Variants in EML1 observed in about 807,000 individuals in gnomAD.
The protein encoded by EML1 is echinoderm microtubule-associated protein-like 1.
A neutral mutation model predicts 110.4 loss-of-function variants in EML1; 27 were observed. The ratio of observed to expected loss-of-function variants is 0.24; its 90% CI spans 0.18 to 0.34. The LOEUF (loss-of-function observed/expected upper bound fraction) is 0.34. Among genes scored for constraint, EML1 ranks in the 10% least tolerant of loss-of-function variants. The pLI is 1.00. For synonymous variants in EML1, 344 were observed against 385.8 expected, an observed-to-expected ratio of 0.89 and a Z score of 1.27; for missense variants, 741 against 1,030.9, an observed-to-expected ratio of 0.72 and a Z score of 3.85.
In EML1 at chr14:99,829,110, C is replaced by T. The variant is rs375660639; in HGVS notation, c.68-21743C>T. 2.6e-4 allele frequency among the ~76,000 whole-genome samples: 39 copies of T among 152,284 alleles called. No individual in the cohort carries two copies. In the South Asian group the frequency reaches 6.4e-3, roughly 25 times the overall value. Reference sequence around the variant, plus strand: ...CCCCTGCGGGTCTTGGAATGTATCTCCTGTGGTTAATGGGGGGGCCACTGT... The same window carrying T: ...CCCCTGCGGGTCTTGGAATGTATCTTCTGTGGTTAATGGGGGGGCCACTGT... On this transcript the variant is annotated intron_variant, in intron 1 of 21. Transcript: ENST00000262233.
chr14:99,886,715 G>A (rs893911592), intron 4 of EML1, among the ~76,000 whole-genome samples: 1 of 152,150 alleles, frequency 6.6e-6, no homozygotes, highest in Non-Finnish European at 1.5e-5. Context: ...TGCAAGATCT[G>A]GCCCCAGAGC....
At chr14:99,832,613 A>G (rs2058477740) in intron 1 of EML1, among the ~76,000 whole-genome samples, 1 of 152,220 alleles carries the variant, frequency 6.6e-6, no homozygotes, top group Admixed American at 6.5e-5. Context: ...TTCCCTAATG[A>G]CTAATGATGT....
Position 99,784,652 on chromosome 14 carries a change from T to C in EML1, c.-27+10639T>C, listed in dbSNP as rs1244743213. On this transcript the variant is annotated intron_variant, in intron 1 of 22. Coordinates refer to the EML1 transcript ENST00000327921. This position sits in a 1 kb window ranked among gnomAD's most constrained non-coding sequence, Gnocchi z 4.5. ...AGGATAATGAAGCTGGAGAGGCCCT[T>C]GATAAGGCCGTCTTTATCACACAGT... Among the ~76,000 whole-genome samples the C allele has an allele frequency of 1.3e-5, 2 of 152,244 alleles. No homozygotes were observed. The highest frequency in any genetic ancestry group is 2.4e-5 in the African/African-American group (1 of 41,466).
intron 4 of EML1, among the ~76,000 whole-genome samples, chr14:99,880,043 T>C (rs1451109094): frequency 1.3e-5 from 2 of 152,234 alleles, no homozygotes; most frequent in African/African-American, 4.8e-5. Flanking sequence ...ACAAAGAGAT[T>C]TTTGAGAAAT....
At chr14:99,878,396 A>T (rs2059329202) in intron 3 of EML1, 89 bp from the exon 4 acceptor site, 2 of 1,495,464 alleles carry the variant, frequency 1.3e-6, no homozygotes, top group Non-Finnish European at 1.8e-6. Context: ...ATGTGGAAGT[A>T]TGACGTTCTA....
At chr14:99,765,411 A>G (rs1222041875) in intron 1 of EML1, among the ~76,000 whole-genome samples, 1 of 151,828 alleles carries the variant, frequency 6.6e-6, no homozygotes, top group Non-Finnish European at 1.5e-5. Context: ...GGCTACCACC[A>G]ATCTACTTTC....
intron 1 of EML1, among the ~76,000 whole-genome samples, chr14:99,841,855 A>C: frequency 6.6e-6 from 1 of 152,162 alleles, no homozygotes; most frequent in East Asian, 1.9e-4. Flanking sequence ...CGCCCCATAG[A>C]CGCAGTTACA....
intron 20 of EML1, among the ~76,000 whole-genome samples, chr14:99,938,619 TC>T (rs1398981398): frequency 6.6e-6 from 1 of 151,258 alleles, no homozygotes; most frequent in Non-Finnish European, 1.5e-5. Context: ...GAAGAGGGTG[TC>T]CCCCACCCAC....
chr14:99,851,509 G>A (rs569510787), intron 2 of EML1, among the ~76,000 whole-genome samples: 74 of 152,032 alleles, frequency 4.9e-4, no homozygotes, highest in African/African-American at 1.4e-3. Context: ...GAGTTTCACC[G>A]TGTTAGCCAG....
At chr14:99,772,310 G>C (rs2057435700), upstream of EML1, among the ~76,000 whole-genome samples, 1 of 152,252 alleles carries the variant, frequency 6.6e-6, no homozygotes, top group Non-Finnish European at 1.5e-5. Flanking sequence ...GAGCAGGGCA[G>C]AGTTTACATG....
At chr14:99,857,489 G>A (rs1203810219) in intron 2 of EML1, among the ~76,000 whole-genome samples, 3 of 152,080 alleles carry the variant, frequency 2.0e-5, no homozygotes, top group Non-Finnish European at 4.4e-5. Flanking sequence ...TTGATTATTA[G>A]TATAAGTTGT....
At chr14:99,766,269 ACTGCAACCT>A (rs934001204) in intron 1 of EML1, among the ~76,000 whole-genome samples, 1 of 147,302 alleles carries the variant, frequency 6.8e-6, no homozygotes, top group African/African-American at 2.5e-5. Flanking sequence ...ATCTTGGCTC[ACTGCAACCT>A]CTGCCTTGTG....
intron 4 of EML1, among the ~76,000 whole-genome samples, chr14:99,881,747 C>A (rs539261643): frequency 6.6e-6 from 1 of 151,850 alleles, no homozygotes; most frequent in Non-Finnish European, 1.5e-5. Context: ...ACTACAGGTG[C>A]GTGCCACCAT....
chr14:99,876,916 C>A (rs904447384), intron 3 of EML1, among the ~76,000 whole-genome samples: 1 of 152,164 alleles, frequency 6.6e-6, no homozygotes, highest in South Asian at 2.1e-4. Context: ...CTCTGCAAAG[C>A]TACGAAAATG....
chr14:99,939,389 G>A lies in EML1; in HGVS notation c.2322+62G>A. 4.4e-6 allele frequency: 7 copies of A among 1,592,982 alleles called. No homozygotes were observed. The highest frequency in any genetic ancestry group is 6.0e-6 in the Non-Finnish European group (7 of 1,167,232). On this transcript the variant is annotated intron_variant, in intron 21 of 21. Transcript: ENST00000262233. This position sits in a 1 kb window ranked among gnomAD's most constrained non-coding sequence, Gnocchi z 4.2. Reference sequence around the variant, plus strand: ...TGGGGCATGCACGTACACCCGACCTGTTTGGAGACTAAGTGGAAATGGGCT... The same window carrying A: ...TGGGGCATGCACGTACACCCGACCTATTTGGAGACTAAGTGGAAATGGGCT...
intron 1 of EML1, among the ~76,000 whole-genome samples, chr14:99,745,154 C>T (rs1030707488): frequency 1.3e-5 from 2 of 152,144 alleles, no homozygotes; most frequent in Non-Finnish European, 2.9e-5. Context: ...CAACCTCTGC[C>T]TCCCGGGTTT....
chr14:99,914,261 T>A lies in EML1; in HGVS notation c.1577T>A (p.Val526Asp). 6.2e-7 allele frequency: 1 copy of A among 1,614,030 alleles called. No homozygotes were observed. Among genetic ancestry groups the A allele is most frequent in the Non-Finnish European group, 8.5e-7 (1 of 1,179,918 alleles). ...TTGATTGGCACAACTCGAAACTTTG[T>A]CCTGCAGGGCACTCTGTCAGGGGAC... ...VILIGTTRNF[V>D]LQGTLSGDFT... Residue 526 changes from valine (V) to aspartate (D), a missense_variant, in exon 14 of 22, where the codon GTC becomes GAC. Val to Asp is a radical substitution (Grantham distance 152, BLOSUM62 -3). Transcript: ENST00000262233.
chr14:99,756,357 G>A (rs961553298), intron 1 of EML1, among the ~76,000 whole-genome samples: 1 of 152,210 alleles, frequency 6.6e-6, no homozygotes, highest in African/African-American at 2.4e-5. Flanking sequence ...GTAGCAAGGC[G>A]GGAGGCAGAG....
At chr14:99,831,418 T>C (rs944367910) in intron 1 of EML1, among the ~76,000 whole-genome samples, 3 of 152,138 alleles carry the variant, frequency 2.0e-5, no homozygotes, top group African/African-American at 4.8e-5. Flanking sequence ...CCCCCCATCG[T>C]TGGGCCCACT....
Sources: allele counts gnomAD v4.1 joint callset (sites outside exome capture counted in the v4.1 genomes callset), GRCh38; gene constraint gnomAD v4.1.1; non-coding constraint Gnocchi (gnomAD v3.1); transcripts MANE v1.5; gene names NCBI Gene and HGNC (gene_info 2026-07-23, HGNC 2026-07-21).